NFILZ: variants seen among roughly 807,000 people sequenced by gnomAD.
The protein encoded by NFILZ is NFIL3 like protein.
chr19:8,651,828 C>T (rs551466555), intron 3 of NFILZ, among the ~76,000 whole-genome samples: 6 of 151,940 alleles, frequency 3.9e-5, no homozygotes, highest in East Asian at 3.9e-4. Flanking sequence ...CCACTGTGCC[C>T]GGCCTCTAAC....
At chr19:8,652,264 G>A (rs2042967866) in intron 3 of NFILZ, among the ~76,000 whole-genome samples, 1 of 152,076 alleles carries the variant, frequency 6.6e-6, no homozygotes, top group Non-Finnish European at 1.5e-5. Context: ...CACCACACCC[G>A]GCTAATTTTT....
intron 3 of NFILZ, among the ~76,000 whole-genome samples, chr19:8,652,993 TTCCTTCCTTCCTTC>T (rs2042973176): frequency 3.4e-4 from 14 of 41,640 alleles, no homozygotes; most frequent in South Asian, 1.1e-3. Context: ...CCTTCCTTCC[TTCCTTCCTTCCTTC>T]CTTCCTTTCT....
At chr19:8,657,431 T>C (rs915836725) in intron 3 of NFILZ, among the ~76,000 whole-genome samples, 2 of 151,980 alleles carry the variant, frequency 1.3e-5, no homozygotes, top group African/African-American at 2.4e-5. Context: ...CAGGGGGTCG[T>C]TGGGGACTCT....
chr19:8,660,577 CTCCCTCCTTCCTTCCTTCCT>C (rs2043025261), intron 3 of NFILZ, among the ~76,000 whole-genome samples: 1 of 123,670 alleles, frequency 8.1e-6, no homozygotes, highest in Non-Finnish European at 1.7e-5. Context: ...CCTCCCCTCC[CTCCCTCCTTCCTTCCTTCCT>C]TCCCTCCTTC....
intron 3 of NFILZ, among the ~76,000 whole-genome samples, chr19:8,673,780 C>T (rs1309106934): frequency 2.0e-5 from 3 of 152,166 alleles, no homozygotes; most frequent in Non-Finnish European, 4.4e-5. Context: ...GTGCTGGAGA[C>T]CTTCCAGTAG....
Position 8,657,453 on chromosome 19 carries a change from G to T in NFILZ, c.-163-17098G>T, listed in dbSNP as rs934281212. Among the ~76,000 whole-genome samples the T allele has an allele frequency of 3.9e-5, 6 of 152,052 alleles. 1 individual carries two copies. The highest frequency in any genetic ancestry group is 8.8e-5 in the Non-Finnish European group (6 of 68,020). On this transcript the variant is annotated intron_variant, in intron 3 of 5. Coordinates refer to ENST00000691075, the MANE Select transcript of NFILZ (RefSeq NM_001378600.1). ...TCGTTGGGGACTCTGGCTGCTGCAG[G>T]GTCCTGTTGCTTTAAGATTGATGGT...
intron 3 of NFILZ, among the ~76,000 whole-genome samples, chr19:8,663,840 T>G (rs1700520913): frequency 6.6e-6 from 1 of 150,536 alleles, no homozygotes; most frequent in Admixed American, 6.6e-5. Context: ...CTCTGGGGGA[T>G]GTAGGGACTC....
intron 3 of NFILZ, among the ~76,000 whole-genome samples, chr19:8,651,546 T>C (rs1232749211): frequency 2.6e-5 from 4 of 151,920 alleles, no homozygotes; most frequent in African/African-American, 4.8e-5. Context: ...TTTTTCTTTC[T>C]TTAGAGACAG....
Position 8,678,066 on chromosome 19 carries a change from A to G in NFILZ, c.*431A>G, listed in dbSNP as rs1450340728. On this transcript the variant is annotated 3_prime_UTR_variant, in exon 6 of 6. Transcript: ENST00000691075. ...CATCCATCCATCCACCCATCTATTC[A>G]TCCATCCATCAATCCATCCATCCAT... Among the ~76,000 whole-genome samples, 3 of 4,944 alleles carry G rather than the reference A, an allele frequency of 6.1e-4. No individual in the cohort carries two copies. The highest frequency in any genetic ancestry group is 2.2e-3 in the Admixed American group (1 of 450). 3.2% of individuals were successfully genotyped at this position (4,944 alleles called of 152,430 possible).
Position 8,653,033 on chromosome 19 carries a change from T to C in NFILZ, c.-164+17287T>C, listed in dbSNP as rs868968441. On this transcript the variant is annotated intron_variant, in intron 3 of 5. Coordinates refer to ENST00000691075, the MANE Select transcript of NFILZ (RefSeq NM_001378600.1). ...CTTCCTTTCTTTCTTTCTTTCTTTC[T>C]TTCTTTCTCTCTCTCTCTCTCTCTC... Among the ~76,000 whole-genome samples, 96 of 72,858 alleles carry C rather than the reference T, an allele frequency of 1.3e-3. 5 individuals carry two copies. The highest frequency in any genetic ancestry group is 7.8e-3 in the East Asian group (20 of 2,576). 47.8% of individuals were successfully genotyped at this position (72,858 alleles called of 152,430 possible).
chr19:8,664,116 T>C (rs551291450), intron 3 of NFILZ, among the ~76,000 whole-genome samples: 2 of 152,252 alleles, frequency 1.3e-5, no homozygotes, highest in Admixed American at 1.3e-4. Flanking sequence ...AGCCCTGACG[T>C]CACATCAGAC....
intron 3 of NFILZ, among the ~76,000 whole-genome samples, chr19:8,665,358 G>A (rs781853915): frequency 2.0e-5 from 3 of 152,142 alleles, no homozygotes; most frequent in African/African-American, 4.8e-5. Context: ...AATGGTCTAC[G>A]TGGCTGGAGT....
At chr19:8,655,706 T>C (rs1204278116) in intron 3 of NFILZ, among the ~76,000 whole-genome samples, 2 of 152,122 alleles carry the variant, frequency 1.3e-5, no homozygotes, top group African/African-American at 4.8e-5. Flanking sequence ...TGCTGCCCCC[T>C]GCCTGTCTCA....
rs2043119954 is a variant in NFILZ, at chr19:8,678,019, C to CA, written c.*384_*385insA. On this transcript the variant is annotated 3_prime_UTR_variant, in exon 6 of 6. Transcript: ENST00000691075. ...CCATCCATCCATTAGTCCCTCCATC[C>CA]TTATCCATCTATCCATCCATCCATC... Among the ~76,000 whole-genome samples the CA allele has an allele frequency of 7.2e-6, 1 of 138,446 alleles. No homozygotes were observed. Among genetic ancestry groups the CA allele is most frequent in the East Asian group, 2.1e-4 (1 of 4,742 alleles). The allele number at this position is 138,446 out of a possible 152,430, so 90.8% of individuals were successfully genotyped here.
intron 3 of NFILZ, among the ~76,000 whole-genome samples, chr19:8,654,782 G>A (rs989805765): frequency 3.9e-5 from 6 of 152,194 alleles, no homozygotes; most frequent in African/African-American, 1.2e-4. Flanking sequence ...TCTGCAGGGT[G>A]AATCTCAACC....
chr19:8,657,627 C>T (rs2043010853), intron 3 of NFILZ, among the ~76,000 whole-genome samples: 1 of 152,120 alleles, frequency 6.6e-6, no homozygotes, highest in African/African-American at 2.4e-5. Context: ...TGACAGTCCT[C>T]TCTCACTGTA....
chr19:8,631,676 G>T (rs1000874457), intron 1 of NFILZ, among the ~76,000 whole-genome samples: 2 of 152,120 alleles, frequency 1.3e-5, no homozygotes, highest in Admixed American at 1.3e-4. Context: ...ACATCCAGCC[G>T]CCAGGCCTTC....
intron 3 of NFILZ, among the ~76,000 whole-genome samples, chr19:8,648,871 G>T (rs2146145626): frequency 6.7e-6 from 1 of 149,130 alleles, no homozygotes; most frequent in Middle Eastern, 3.6e-3. Flanking sequence ...AAAAAAGGCA[G>T]ATGTAAAAAA....
chr19:8,637,912 C>CAAAAAAAAAAAAAAAAAAAAA (rs35778716), intron 3 of NFILZ, among the ~76,000 whole-genome samples: 6 of 20,270 alleles, frequency 3.0e-4, no homozygotes, highest in African/African-American at 5.1e-4. Context: ...AAGATGGTCT[C>CAAAAAAAAAAAAAAAAAAAAA]AAAAAAAAAA....
Sources: gnomAD v4.1 joint callset for allele counts (sites outside exome capture counted in the v4.1 genomes callset) on GRCh38, gnomAD v4.1.1 for gene constraint, MANE v1.5 for transcripts, NCBI Gene and HGNC (gene_info 2026-07-23, HGNC 2026-07-21) for gene names.